The following CDKL5 variants were observed in gnomAD, a reference collection of about 807,000 sequenced individuals.
CDKL5 encodes the protein cyclin dependent kinase like 5.
Under a neutral mutation model 61.7 loss-of-function variants are expected in CDKL5, and 8 were observed. The ratio of observed to expected loss-of-function variants is 0.13; its 90% CI spans 0.08 to 0.23. The LOEUF (loss-of-function observed/expected upper bound fraction) is 0.23. Among genes scored for constraint, CDKL5 ranks in the 10% least tolerant of loss-of-function variants. The pLI is 1.00. For synonymous variants in CDKL5, 275 were observed against 272.3 expected, an observed-to-expected ratio of 1.01 and a Z score of -0.10; for missense variants, 440 against 734.5, an observed-to-expected ratio of 0.60 and a Z score of 4.63.
At position 18,629,968 on chromosome X, in the gene CDKL5, A is replaced by G. The variant is rs1927188179; in HGVS notation, c.*1211A>G. The stretch of plus-strand genomic sequence containing the variant: ...TCTGCAGATCTTGCAAACCATCTCT[A>G]TGCTCCTGAATATTGTCCACTGTCC... On this transcript the variant is annotated 3_prime_UTR_variant, in exon 18 of 18. Coordinates refer to ENST00000623535, the MANE Select transcript of CDKL5 (RefSeq NM_001323289.2). The G allele has an allele frequency of 2.7e-6, 2 of 753,709 alleles. No individual in the cohort carries two copies. Among genetic ancestry groups the G allele is most frequent in the Non-Finnish European group, 1.6e-6 (1 of 639,009 alleles). The allele number at this position is 753,709 out of a possible 1,213,427, so 62.1% of individuals were successfully genotyped here.
chrX:18,520,274 A>T (rs1206060653), intron 3 of CDKL5, among the ~76,000 whole-genome samples: 1 of 111,968 alleles, frequency 8.9e-6, no homozygotes, highest in Non-Finnish European at 1.9e-5. Flanking sequence ...GGCAACCACC[A>T]ATCTGCTTTC....
chrX:18,535,982 A>T (rs948804043), intron 3 of CDKL5: 1 of 112,118 alleles, frequency 8.9e-6, no homozygotes, highest in African/African-American at 3.2e-5. Flanking sequence ...TGAATGGAGC[A>T]GGCAGGAAGT....
chrX:18,632,704 A>G lies in CDKL5; in HGVS notation c.*3947A>G, dbSNP rs1427586885. 1 of 752,427 alleles carries G rather than the reference A, an allele frequency of 1.3e-6. No individual in the cohort carries two copies. The highest frequency in any genetic ancestry group is 1.6e-6 in the Non-Finnish European group (1 of 638,927). The allele number at this position is 752,427 out of a possible 1,213,427, so 62.0% of individuals were successfully genotyped here. ...AGAGCTATGCTGTCAGTCTCTAGTC[A>G]CGCCATGTATTATAAAGTATGTTGT... On this transcript the variant is annotated 3_prime_UTR_variant, in exon 18 of 18. Coordinates refer to ENST00000623535, the MANE Select transcript of CDKL5 (RefSeq NM_001323289.2).
At chrX:18,554,567 C>T (rs184535071) in intron 3 of CDKL5, among the ~76,000 whole-genome samples, 1,855 of 108,349 alleles carry the variant, frequency 0.017, 45 homozygotes, top group African/African-American at 0.059. Flanking sequence ...AGGCCCTCAC[C>T]ACCACGCCAG....
In CDKL5 at chrX:18,481,208, C is replaced by CT. The variant is rs750801692; in HGVS notation, c.-162-25718dup. Among the ~76,000 whole-genome samples the CT allele has an allele frequency of 3.6e-3, 385 of 108,064 alleles. 2 individuals carry two copies. Among genetic ancestry groups the CT allele is most frequent in the Middle Eastern group, 0.033 (7 of 209 alleles). 93.8% of individuals were successfully genotyped at this position (108,064 alleles called of 115,157 possible). ...CTCCTCCTCCTCCTTCTCTCTCTCTCTTTTTTTTTAAACCTACTTCTTTAT... is the reference window on the plus strand; with the variant it reads ...CTCCTCCTCCTCCTTCTCTCTCTCTCTTTTTTTTTTAAACCTACTTCTTTAT... On this transcript the variant is annotated intron_variant, in intron 1 of 17. Transcript: ENST00000623535.
intron 3 of CDKL5, among the ~76,000 whole-genome samples, chrX:18,512,933 T>G (rs1421991599): frequency 9.0e-6 from 1 of 111,641 alleles, no homozygotes; most frequent in Non-Finnish European, 1.9e-5. Flanking sequence ...GCTCTGTTTA[T>G]GCAACATTGC....
At position 18,507,048 on chromosome X, in the gene CDKL5, C is replaced by A; in HGVS notation, c.-49C>A. On this transcript the variant is annotated 5_prime_UTR_variant, in exon 2 of 18. Transcript: ENST00000623535. ...TTACTGCACAGCTTTCTGAGAAGTT[C>A]TTTTGGTGCCATGTTTTGTGGCTTG... The A allele has an allele frequency of 2.1e-6, 2 of 968,398 alleles. No individual in the cohort carries two copies. The highest frequency in any genetic ancestry group is 3.9e-5 in the South Asian group (2 of 51,880). The allele number at this position is 968,398 out of a possible 1,213,427, so 79.8% of individuals were successfully genotyped here.
chrX:18,635,390 C>T lies in CDKL5; in HGVS notation c.*6633C>T, dbSNP rs750645671. 1 of 754,260 alleles carries T rather than the reference C, an allele frequency of 1.3e-6. No individual in the cohort carries two copies. The highest frequency in any genetic ancestry group is 1.6e-6 in the Non-Finnish European group (1 of 639,294). 62.2% of individuals were successfully genotyped at this position (754,260 alleles called of 1,213,427 possible). The stretch of plus-strand genomic sequence containing the variant: ...TCTTTAATAAAATGCAGATTTTGCA[C>T]TGACTGATGTGACTGCCAGGCCGTC... On this transcript the variant is annotated 3_prime_UTR_variant, in exon 18 of 18. Coordinates refer to ENST00000623535, the MANE Select transcript of CDKL5 (RefSeq NM_001323289.2).
chrX:18,432,099 C>CTT (rs139849633), intron 1 of CDKL5, among the ~76,000 whole-genome samples: 10 of 90,263 alleles, frequency 1.1e-4, no homozygotes, highest in Non-Finnish European at 1.8e-4. Context: ...TTCTTTCTTT[C>CTT]TTTTTTTTTT....
At chrX:18,649,057 A>T (rs776661818) in intron 20 of CDKL5, among the ~76,000 whole-genome samples, 1 of 108,452 alleles carries the variant, frequency 9.2e-6, no homozygotes, top group Non-Finnish European at 1.9e-5. Flanking sequence ...AAAAAAAAAA[A>T]AAGAAAACTA....
At chrX:18,468,141 G>A (rs1211927199) in intron 1 of CDKL5, among the ~76,000 whole-genome samples, 9 of 111,370 alleles carry the variant, frequency 8.1e-5, no homozygotes, top group Admixed American at 2.9e-4. Context: ...TTTCAATTCA[G>A]TATGTAGTTT....
intron 20 of CDKL5, chrX:18,647,091 A>AT (rs772637727): frequency 1.0e-6 from 1 of 1,000,025 alleles, no homozygotes; most frequent in African/African-American, 1.9e-5. Context: ...AATTTTTTGT[A>AT]TTTTTAGTAG....
intron 15 of CDKL5, among the ~76,000 whole-genome samples, chrX:18,619,448 A>G (rs1372239963): frequency 8.9e-6 from 1 of 111,879 alleles, no homozygotes; most frequent in Non-Finnish European, 1.9e-5. Context: ...CAAGTCGCTA[A>G]TAATAAACTT....
intron 14 of CDKL5, 110 bp downstream of exon 14, chrX:18,609,680 C>T: frequency 2.7e-6 from 3 of 1,124,795 alleles, no homozygotes; most frequent in Non-Finnish European, 3.5e-6. Context: ...ACACTGTCGC[C>T]TTCCAGCGGT....
intron 8 of CDKL5, 37 bp from the exon 9 acceptor site, chrX:18,587,917 T>C: frequency 1.7e-6 from 2 of 1,146,237 alleles, no homozygotes; most frequent in Non-Finnish European, 2.4e-6. Context: ...ATTATATTTT[T>C]TCAGTTGCCA....
intron 3 of CDKL5, among the ~76,000 whole-genome samples, chrX:18,522,150 T>G (rs2147102803): frequency 9.0e-6 from 1 of 110,722 alleles, no homozygotes; most frequent in Admixed American, 9.7e-5. Context: ...ATCCTAACTA[T>G]AAATTCTTCC....
intron 1 of CDKL5, among the ~76,000 whole-genome samples, chrX:18,457,773 G>T (rs1421263084): frequency 9.3e-6 from 1 of 107,616 alleles, no homozygotes; most frequent in Non-Finnish European, 1.9e-5. Flanking sequence ...ATGCTGCCAT[G>T]CCCAGCTAAT....
At chrX:18,476,395 T>A (rs1921313502) in intron 1 of CDKL5, among the ~76,000 whole-genome samples, 1 of 111,112 alleles carries the variant, frequency 9.0e-6, no homozygotes, top group South Asian at 3.8e-4. Context: ...TTTTGTATTT[T>A]TGATAGAGAC....
At chrX:18,498,197 T>C (rs909942142) in intron 1 of CDKL5, among the ~76,000 whole-genome samples, 28 of 111,364 alleles carry the variant, frequency 2.5e-4, no homozygotes, top group African/African-American at 9.1e-4. Flanking sequence ...AATAAACACT[T>C]CCTTGATCAC....
Sources: gnomAD v4.1 joint callset for allele counts (sites outside exome capture counted in the v4.1 genomes callset) on GRCh38, gnomAD v4.1.1 for gene constraint, MANE v1.5 for transcripts, NCBI Gene and HGNC (gene_info 2026-07-23, HGNC 2026-07-21) for gene names.